The following TTC7A variants were observed in gnomAD, a reference collection of about 807,000 sequenced individuals.
The protein encoded by TTC7A is tetratricopeptide repeat domain 7A.
A neutral mutation model predicts 103.7 loss-of-function variants in TTC7A; 110 were observed. The observed-to-expected ratio is 1.06, with a 90% CI of 0.91 to 1.24. The LOEUF is 1.24. Ranked by LOEUF, TTC7A falls within the 50% of genes most tolerant of loss-of-function variation. The probability of loss-of-function intolerance (pLI) is 0.00; values close to 1 mark genes in which losing one functional copy is unlikely to be tolerated. For missense variants in TTC7A, 1,340 were observed against 1,116.3 expected, an observed-to-expected ratio of 1.20 and a Z score of -2.86; for synonymous variants, 521 against 467.9, an observed-to-expected ratio of 1.11 and a Z score of -1.47.
In TTC7A at chr2:47,059,751, G is replaced by A. The variant is rs560183648; in HGVS notation, c.2153-1018G>A. On this transcript the variant is annotated intron_variant, in intron 18 of 19. Transcript: ENST00000319190. Reference sequence around the variant, plus strand: ...ACGCCACATCCCCACGCGAGGTTCTGAAGTCAGACAGCCCAGTGCAAACCC... The same window carrying A: ...ACGCCACATCCCCACGCGAGGTTCTAAAGTCAGACAGCCCAGTGCAAACCC... 1.4e-3 allele frequency among the ~76,000 whole-genome samples: 208 copies of A among 152,304 alleles called. 1 individual carries two copies. The highest frequency in any genetic ancestry group is 4.8e-3 in the African/African-American group (201 of 41,568).
intron 11 of TTC7A, among the ~76,000 whole-genome samples, chr2:47,017,551 C>A (rs1043295331): frequency 1.3e-5 from 2 of 151,974 alleles, no homozygotes. Context: ...ATAAAATAAT[C>A]AAAACCTTGA....
At chr2:46,944,268 A>G (rs965841728) in intron 1 of TTC7A, among the ~76,000 whole-genome samples, 2 of 152,106 alleles carry the variant, frequency 1.3e-5, no homozygotes, top group Non-Finnish European at 2.9e-5. Flanking sequence ...AACCAACAGC[A>G]GTGATACGAA....
At chr2:47,026,645 C>T (rs1679948111) in intron 14 of TTC7A, among the ~76,000 whole-genome samples, 1 of 151,118 alleles carries the variant, frequency 6.6e-6, no homozygotes, top group Non-Finnish European at 1.5e-5. Flanking sequence ...GAGCACGTGC[C>T]TTCAGGCTGG....
In TTC7A at chr2:47,006,016, G is replaced by A. The variant is rs1216056067; in HGVS notation, c.1160G>A (p.Ser387Asn). Residue 387 changes from serine (S) to asparagine (N), a missense_variant, in exon 9 of 20, where the codon AGC becomes AAC. Coordinates refer to ENST00000319190, the MANE Select transcript of TTC7A (RefSeq NM_020458.4). The stretch of plus-strand genomic sequence containing the variant: ...GCCGCAGCCATCTATGACCTCCTGA[G>A]CATCACGTTGGGCAGAAGGGGACAG... Reference protein sequence around the residue: ...QNAAAIYDLLSITLGRRGQYV... With the variant: ...QNAAAIYDLLNITLGRRGQYV... 1.2e-6 allele frequency: 2 copies of A among 1,613,920 alleles called. No homozygotes were observed. Among genetic ancestry groups the A allele is most frequent in the Admixed American group, 1.7e-5 (1 of 59,990 alleles).
At chr2:47,014,534 A>G (rs1678430829) in intron 11 of TTC7A, among the ~76,000 whole-genome samples, 2 of 152,094 alleles carry the variant, frequency 1.3e-5, no homozygotes, top group African/African-American at 4.8e-5. Context: ...CCCTAGTTCT[A>G]CAGGGAGGCC....
chr2:47,073,183 GTC>G (rs973386903), intron 19 of TTC7A, among the ~76,000 whole-genome samples: 3 of 152,140 alleles, frequency 2.0e-5, no homozygotes, highest in Non-Finnish European at 4.4e-5. Flanking sequence ...GTCCTCCTCC[GTC>G]TCTCTGCGTC....
At chr2:46,969,961 G>A (rs1233195837) in intron 3 of TTC7A, among the ~76,000 whole-genome samples, 1 of 152,182 alleles carries the variant, frequency 6.6e-6, no homozygotes, top group Non-Finnish European at 1.5e-5. Flanking sequence ...ACTCTACCTG[G>A]CAGGGTTTCA....
intron 2 of TTC7A, among the ~76,000 whole-genome samples, chr2:46,917,840 TCTC>T (rs1237580889): frequency 6.6e-6 from 1 of 152,210 alleles, no homozygotes; most frequent in East Asian, 1.9e-4. Context: ...AACACTTTCT[TCTC>T]TTGTTTTCTG....
At chr2:47,047,353 A>G in intron 16 of TTC7A, 3 of 1,523,530 alleles carry the variant, frequency 2.0e-6, no homozygotes, top group Non-Finnish European at 2.7e-6. Context: ...CAGACAGAGT[A>G]AAACACCTTG....
At chr2:47,072,388 T>G (rs930670537) in intron 19 of TTC7A, among the ~76,000 whole-genome samples, 11 of 152,192 alleles carry the variant, frequency 7.2e-5, no homozygotes, top group Non-Finnish European at 1.2e-4. Flanking sequence ...CCAGCGCCTC[T>G]GGAGAGGGAG....
intron 16 of TTC7A, among the ~76,000 whole-genome samples, chr2:47,048,292 T>C (rs1223557246): frequency 6.6e-6 from 1 of 152,204 alleles, no homozygotes; most frequent in East Asian, 1.9e-4. Flanking sequence ...ATGCTGTACA[T>C]TGGCCTAGAA....
rs186576388 is a variant in TTC7A at position 47,062,846 on chromosome 2, C to G, written c.2355+1875C>G. 1.5e-4 allele frequency among the ~76,000 whole-genome samples: 23 copies of G among 152,246 alleles called. No homozygotes were observed. The East Asian group carries it at 4.0e-3, about 27-fold the overall frequency. On this transcript the variant is annotated intron_variant, in intron 19 of 19. Coordinates refer to ENST00000319190, the MANE Select transcript of TTC7A (RefSeq NM_020458.4). ...GATGTTTCTGAAATGGTCCCTTTTTCCTTCCTGGGGTGCCTTGCTGATTTG... is the reference window on the plus strand; with the variant it reads ...GATGTTTCTGAAATGGTCCCTTTTTGCTTCCTGGGGTGCCTTGCTGATTTG...
In TTC7A at chr2:47,051,659, C is replaced by T; in HGVS notation, c.2018-87C>T. The T allele has an allele frequency of 6.8e-6, 10 of 1,476,284 alleles. No individual in the cohort carries two copies. The South Asian group carries it at 8.3e-5, about 12-fold the overall frequency. The allele number at this position is 1,476,284 out of a possible 1,614,324, so 91.4% of individuals were successfully genotyped here. A position where few individuals can be genotyped will look rare whatever the true frequency, so the allele number is the denominator to read the frequency against. On this transcript the variant is annotated intron_variant, in intron 17 of 19. Transcript: ENST00000319190. ...ACCCTGATTCAGGGTGCCCTGTCTCCCCATGGTGCTGGGCAATGACTGCTC... is the reference window on the plus strand; with the variant it reads ...ACCCTGATTCAGGGTGCCCTGTCTCTCCATGGTGCTGGGCAATGACTGCTC...
At chr2:47,047,420 G>A in intron 16 of TTC7A, 1 of 871,178 alleles carries the variant, frequency 1.1e-6, no homozygotes, top group Non-Finnish European at 1.8e-6. Flanking sequence ...GAGGACCAGT[G>A]GGCGGAAGCT....
At chr2:46,988,596 C>T (rs1195988990) in intron 5 of TTC7A, among the ~76,000 whole-genome samples, 11 of 152,228 alleles carry the variant, frequency 7.2e-5, no homozygotes, top group Admixed American at 7.2e-4. Flanking sequence ...ACCCAGTCTT[C>T]CCCAAATATT....
At chr2:46,984,784 C>G (rs922121976) in intron 5 of TTC7A, among the ~76,000 whole-genome samples, 1 of 152,224 alleles carries the variant, frequency 6.6e-6, no homozygotes, top group Non-Finnish European at 1.5e-5. Flanking sequence ...GGTTGAGTCA[C>G]TTGCCCGAGC....
chr2:46,921,685 T>C (rs1208475573), intron 2 of TTC7A, among the ~76,000 whole-genome samples: 4 of 152,218 alleles, frequency 2.6e-5, no homozygotes, highest in African/African-American at 7.2e-5. Context: ...ACCAGTTTCA[T>C]GGAAGACAAT....
At chr2:46,939,592 G>T (rs1335068878), upstream of TTC7A, among the ~76,000 whole-genome samples, 1 of 152,174 alleles carries the variant, frequency 6.6e-6, no homozygotes, top group Non-Finnish European at 1.5e-5. Context: ...GGCAGGGCTG[G>T]CAAAGGACTA....
At chr2:47,041,929 AC>A (rs1376075460) in intron 15 of TTC7A, among the ~76,000 whole-genome samples, 3 of 152,078 alleles carry the variant, frequency 2.0e-5, no homozygotes, top group African/African-American at 7.2e-5. Context: ...GGGAAAAAAA[AC>A]GTATTTAATT....
Sources: gnomAD v4.1 joint callset for allele counts (sites outside exome capture counted in the v4.1 genomes callset) on GRCh38, gnomAD v4.1.1 for gene constraint, MANE v1.5 for transcripts, NCBI Gene and HGNC (gene_info 2026-07-23, HGNC 2026-07-21) for gene names.